C11orf65: variants seen among roughly 807,000 people sequenced by gnomAD.
C11orf65 encodes chromosome 11 open reading frame 65, also known as protein MFI.
C11orf65 carries 38 observed loss-of-function variants against 35.3 expected under a neutral mutation model. The observed-to-expected ratio is 1.08, with a 90% confidence interval of 0.83 to 1.41. C11orf65 has a LOEUF of 1.41. C11orf65 is among the 40% of genes most tolerant of loss of function. The pLI is 0.00. For synonymous variants in C11orf65, 105 were observed against 114.4 expected, an observed-to-expected ratio of 0.92 and a Z score of 0.53; for missense variants, 370 against 367.1, an observed-to-expected ratio of 1.01 and a Z score of -0.06.
intron 2 of C11orf65, among the ~76,000 whole-genome samples, chr11:108,374,520 A>G (rs1591412185): frequency 2.6e-5 from 4 of 152,192 alleles, no homozygotes; most frequent in Non-Finnish European, 5.9e-5. Context: ...AAGTAGATAA[A>G]ACCACAAAGA....
At chr11:108,403,420 G>C (rs6589015) in intron 6 of C11orf65, among the ~76,000 whole-genome samples, 2 of 119,680 alleles carry the variant, frequency 1.7e-5, no homozygotes, top group Non-Finnish European at 3.2e-5. Context: ...TTTTTTTTTT[G>C]TTTTTTTTTT....
rs664143 is a variant in C11orf65, at chr11:108,354,934, A to G, written c.227-19642T>C. On this transcript the variant is annotated intron_variant, in intron 2 of 3. Coordinates refer to the C11orf65 transcript ENST00000524755. ...TCTTACCAGGTAGACTGTGTATCTCATCAGGAAGTCACTGATGTGAAGAGC... is the reference window on the plus strand; with the variant it reads ...TCTTACCAGGTAGACTGTGTATCTCGTCAGGAAGTCACTGATGTGAAGAGC... 0.59 allele frequency: 815,622 copies of G among 1,389,134 alleles called. 241,429 individuals are homozygous for G. The highest frequency in any genetic ancestry group is 0.75 in the Middle Eastern group (4,267 of 5,674). The allele number at this position is 1,389,134 out of a possible 1,614,324, so 86.1% of individuals were successfully genotyped here.
chr11:108,422,043 T>A (rs1435028861), intron 3 of C11orf65, among the ~76,000 whole-genome samples: 2 of 152,160 alleles, frequency 1.3e-5, no homozygotes, highest in Admixed American at 1.3e-4. Context: ...GCGATTCTCC[T>A]GTCAACCTCC....
chr11:108,396,279 G>GTC (rs1565643337), intron 6 of C11orf65, among the ~76,000 whole-genome samples: 48 of 151,636 alleles, frequency 3.2e-4, no homozygotes, highest in Non-Finnish European at 4.7e-4. Flanking sequence ...TTTTAGTAGA[G>GTC]ATGGGGTTTC....
chr11:108,444,778 C>T (rs1202328383), intron 2 of C11orf65, among the ~76,000 whole-genome samples: 3 of 152,132 alleles, frequency 2.0e-5, no homozygotes, highest in Non-Finnish European at 2.9e-5. Context: ...GTACAGCGCA[C>T]CGTGCACGAG....
At position 108,326,245 on chromosome 11, in the gene C11orf65, T is replaced by A; in HGVS notation, c.641-17174A>T. The A allele has an allele frequency of 6.2e-7, 1 of 1,613,994 alleles. No individual in the cohort carries two copies. Among genetic ancestry groups the A allele is most frequent in the Non-Finnish European group, 8.5e-7 (1 of 1,179,940 alleles). On this transcript the variant is annotated intron_variant, in intron 6 of 6. Transcript: ENST00000525729. Reference sequence around the variant, plus strand: ...GCAGCGGTTTGTTTTTTTTATTGGCTGGATTAGTGTTTTACTGTTATTTAA... The same window carrying A: ...GCAGCGGTTTGTTTTTTTTATTGGCAGGATTAGTGTTTTACTGTTATTTAA...
intron 2 of C11orf65, among the ~76,000 whole-genome samples, chr11:108,440,252 T>C (rs1401767150): frequency 6.6e-6 from 1 of 152,248 alleles, no homozygotes; most frequent in African/African-American, 2.4e-5. Context: ...AATCATCTAT[T>C]ACTGTGTAGT....
intron 2 of C11orf65, among the ~76,000 whole-genome samples, chr11:108,338,075 A>G (rs1351103655): frequency 6.6e-6 from 1 of 152,272 alleles, no homozygotes; most frequent in Non-Finnish European, 1.5e-5. Context: ...CTAGCCGGGC[A>G]TGGTGGCCCA....
intron 6 of C11orf65, chr11:108,309,112 A>G: frequency 1.7e-6 from 2 of 1,145,036 alleles, no homozygotes; most frequent in Non-Finnish European, 2.5e-6. Flanking sequence ...ACGGGTAAAG[A>G]CATGCATTCA....
At chr11:108,385,551 G>A (rs1219423516) in intron 8 of C11orf65, among the ~76,000 whole-genome samples, 5 of 151,996 alleles carry the variant, frequency 3.3e-5, no homozygotes, top group Admixed American at 1.3e-4. Flanking sequence ...GTGTGGTGGC[G>A]GGTGCCTGTA....
chr11:108,326,333 A>G, intron 6 of C11orf65: 1 of 1,385,542 alleles, frequency 7.2e-7, no homozygotes, highest in Non-Finnish European at 9.8e-7. Context: ...TGAAATTAGT[A>G]ATTTATTAAC....
At position 108,406,979 on chromosome 11, in the gene C11orf65, T is replaced by G. The variant is rs774739054; in HGVS notation, c.229-16A>C. On this transcript the variant is annotated splice_polypyrimidine_tract_variant and intron_variant, in intron 4 of 8. Coordinates refer to ENST00000393084, the MANE Select transcript of C11orf65 (RefSeq NM_152587.5). ...GAAATTTAACCTGTAGAAGGAAAAG[T>G]TCAAAGAGCCATTGTAATGTAACTA... 1.3e-6 allele frequency: 2 copies of G among 1,588,214 alleles called. No homozygotes were observed. The highest frequency in any genetic ancestry group is 1.7e-6 in the Non-Finnish European group (2 of 1,157,904).
intron 3 of C11orf65, among the ~76,000 whole-genome samples, chr11:108,419,922 A>G (rs1386298339): frequency 6.6e-6 from 1 of 152,200 alleles, no homozygotes; most frequent in Non-Finnish European, 1.5e-5. Flanking sequence ...TGGCAAGAAA[A>G]AGAAATAAAA....
downstream of C11orf65, chr11:108,330,296 T>C (rs55801750): frequency 5.6e-4 from 907 of 1,614,094 alleles, no homozygotes; most frequent in Non-Finnish European, 7.4e-4. Context: ...ACGCTTCTTA[T>C]GTAAAGCAGT....
intron 3 of C11orf65, among the ~76,000 whole-genome samples, chr11:108,414,941 T>C (rs2092709296): frequency 6.6e-6 from 1 of 152,124 alleles, no homozygotes; most frequent in Non-Finnish European, 1.5e-5. Flanking sequence ...CATATGATCA[T>C]ATTAGCAGAT....
intron 2 of C11orf65, among the ~76,000 whole-genome samples, chr11:108,350,372 A>C (rs419716): frequency 0.53 from 79,896 of 151,894 alleles, 21,832 homozygotes; most frequent in Middle Eastern, 0.73. Context: ...TAGAAATCTC[A>C]GTCAAATTTG....
At chr11:108,335,387 A>C in intron 2 of C11orf65, 2 of 928,342 alleles carry the variant, frequency 2.2e-6, no homozygotes, top group South Asian at 3.3e-5. Flanking sequence ...TATGAAAAAA[A>C]ATACTTTGGT....
intron 2 of C11orf65, among the ~76,000 whole-genome samples, chr11:108,340,902 A>T (rs1005711238): frequency 2.6e-5 from 4 of 152,158 alleles, no homozygotes; most frequent in African/African-American, 9.7e-5. Context: ...ATTGGTTTTT[A>T]AAATTTTTAT....
At chr11:108,444,677 C>T (rs79353933) in intron 2 of C11orf65, among the ~76,000 whole-genome samples, 26 of 152,090 alleles carry the variant, frequency 1.7e-4, no homozygotes, top group Non-Finnish European at 2.8e-4. Context: ...CCAGCATGAG[C>T]GACGCAGAAG....
Sources: allele counts gnomAD v4.1 joint callset (sites outside exome capture counted in the v4.1 genomes callset), GRCh38; gene constraint gnomAD v4.1.1; transcripts MANE v1.5; gene names NCBI Gene and HGNC (gene_info 2026-07-23, HGNC 2026-07-21).